PATJ: variants seen among roughly 807,000 people sequenced by gnomAD.
PATJ encodes inaD-like protein.
A neutral mutation model predicts 224.9 loss-of-function variants in PATJ; 190 were observed. That is an observed-to-expected ratio of 0.84 (90% CI 0.75 to 0.95). The LOEUF (loss-of-function observed/expected upper bound fraction) is 0.95, where lower values mean the gene tolerates loss of function less well. Among genes scored for constraint, PATJ ranks in the 40% least tolerant of loss-of-function variants. The pLI, the probability that PATJ is intolerant of heterozygous loss-of-function variation, is 0.00. For synonymous variants in PATJ, 769 were observed against 820.3 expected, an observed-to-expected ratio of 0.94 and a Z score of 1.07; for missense variants, 2,121 against 2,270.3, an observed-to-expected ratio of 0.93 and a Z score of 1.34.
intron 41 of PATJ, among the ~76,000 whole-genome samples, chr1:62,129,667 G>T (rs958973100): frequency 1.3e-5 from 2 of 152,206 alleles, no homozygotes; most frequent in African/African-American, 4.8e-5. Context: ...GTGGCTAGGC[G>T]CGGTGGCCCA....
Position 61,793,619 on chromosome 1 carries a change from T to C in PATJ, c.1169-1848T>C, listed in dbSNP as rs546294013. Among the ~76,000 whole-genome samples the C allele has an allele frequency of 2.6e-4, 39 of 150,082 alleles. 1 individual carries two copies. The South Asian group carries it at 8.2e-3, about 32-fold the overall frequency. On this transcript the variant is annotated intron_variant, in intron 9 of 43. Coordinates refer to ENST00000642238, the MANE Select transcript of PATJ (RefSeq NM_001350145.3). ...TTGTAGCCGCAGCTACTCGGGAGGC[T>C]GAGGTGGGATCGCTTGAACTGGGGA... is the stretch of plus-strand genomic sequence containing the variant.
chr1:61,914,558 T>TC (rs745329657), intron 25 of PATJ, 29 bp from the exon 26 acceptor site: 4 of 1,101,994 alleles, frequency 3.6e-6, no homozygotes, highest in Admixed American at 2.2e-5. Flanking sequence ...AACGTTTTCT[T>TC]CCCCCCACCC....
chr1:62,080,180 G>A (rs543984466), intron 32 of PATJ, among the ~76,000 whole-genome samples: 35 of 152,214 alleles, frequency 2.3e-4, no homozygotes, highest in Admixed American at 1.4e-3. Flanking sequence ...TTTTAGCCCT[G>A]CAAATGTTGC....
intron 7 of PATJ, among the ~76,000 whole-genome samples, chr1:61,778,628 A>G (rs970751924): frequency 6.6e-6 from 1 of 152,204 alleles, no homozygotes; most frequent in African/African-American, 2.4e-5. Flanking sequence ...GCAGAAGCAG[A>G]TGAGTCCAGC....
intron 36 of PATJ, 75 bp downstream of exon 36, chr1:62,116,754 T>A (rs529446570): frequency 1.4e-6 from 2 of 1,412,204 alleles, no homozygotes; most frequent in South Asian, 2.8e-5. Context: ...CTAGCTTGAT[T>A]ATAAAATGGG....
chr1:62,137,057 T>G (rs1666984466), intron 41 of PATJ, among the ~76,000 whole-genome samples: 1 of 152,118 alleles, frequency 6.6e-6, no homozygotes, highest in Non-Finnish European at 1.5e-5. Flanking sequence ...TACCTAAACC[T>G]GTTTTTAAAG....
intron 17 of PATJ, among the ~76,000 whole-genome samples, chr1:61,851,905 A>G (rs778142228): frequency 6.5e-4 from 99 of 152,030 alleles, no homozygotes; most frequent in Non-Finnish European, 1.3e-3. Context: ...ATGCTTGAGT[A>G]TATGCTGATG....
At chr1:61,778,163 A>G (rs1455746249) in intron 7 of PATJ, among the ~76,000 whole-genome samples, 6 of 152,092 alleles carry the variant, frequency 3.9e-5, no homozygotes, top group Non-Finnish European at 2.9e-5. Flanking sequence ...TACAGGTGTG[A>G]GCCATTGCAC....
intron 38 of PATJ, among the ~76,000 whole-genome samples, chr1:62,121,762 A>C (rs1471286588): frequency 1.5e-5 from 2 of 137,036 alleles, no homozygotes; most frequent in East Asian, 4.5e-4. Flanking sequence ...TGACAGAGCA[A>C]GACTCCGTCT....
intron 40 of PATJ, 118 bp downstream of exon 40, chr1:62,128,212 A>T: frequency 9.2e-7 from 1 of 1,090,534 alleles, no homozygotes; most frequent in Non-Finnish European, 1.3e-6. Flanking sequence ...ACCCAGGCTG[A>T]GGGCAAGATG....
At chr1:61,881,210 T>G (rs527845360) in intron 21 of PATJ, among the ~76,000 whole-genome samples, 1 of 152,260 alleles carries the variant, frequency 6.6e-6, no homozygotes, top group Admixed American at 6.5e-5. Context: ...AGCATCATGT[T>G]TGCAAGAGTT....
intron 33 of PATJ, among the ~76,000 whole-genome samples, chr1:62,093,166 A>G (rs920959228): frequency 2.6e-5 from 4 of 152,184 alleles, no homozygotes; most frequent in African/African-American, 9.7e-5. Flanking sequence ...TACGTTAGCA[A>G]GAAATATCAT....
At chr1:61,931,028 A>T (rs1262795768) in intron 27 of PATJ, among the ~76,000 whole-genome samples, 1 of 151,904 alleles carries the variant, frequency 6.6e-6, no homozygotes, top group South Asian at 2.1e-4. Flanking sequence ...TTTTGTACAG[A>T]TGGAATCTTG....
chr1:61,748,055 A>G (rs11207826), intron 1 of PATJ, among the ~76,000 whole-genome samples: 70,705 of 151,542 alleles, frequency 0.47, 17,144 homozygotes, highest in South Asian at 0.59. Context: ...TAATTTTTGC[A>G]TTTTTAGTAG....
intron 26 of PATJ, among the ~76,000 whole-genome samples, chr1:61,923,003 T>C (rs1487801667): frequency 6.6e-6 from 1 of 152,224 alleles, no homozygotes; most frequent in African/African-American, 2.4e-5. Context: ...AAGAAAAAAG[T>C]AAATGTGTGA....
rs200458206 is a variant in PATJ at position 61,833,710 on chromosome 1, G to A, written c.2037G>A (p.Leu679=). 1.2e-6 allele frequency: 2 copies of A among 1,613,382 alleles called. No individual in the cohort carries two copies. Among genetic ancestry groups the A allele is most frequent in the Admixed American group, 1.7e-5 (1 of 60,012 alleles). Residue 679 remains leucine (L), a synonymous_variant, in exon 17 of 44, where the codon CTG becomes CTA. Coordinates refer to ENST00000642238, the MANE Select transcript of PATJ (RefSeq NM_001350145.3). The stretch of plus-strand genomic sequence containing the variant: ...AAGATGATGATGGGGAATTAGCACT[G>A]TGGTCCCCTGAAGTCAAGATTGTTG... ...TEEDDDGELA[L]WSPEVKIVEL...
chr1:61,849,854 G>A (rs529476045), intron 17 of PATJ, among the ~76,000 whole-genome samples: 1 of 152,280 alleles, frequency 6.6e-6, no homozygotes, highest in East Asian at 1.9e-4. Context: ...CATTTTGAAT[G>A]TAGTTAAGTC....
intron 27 of PATJ, among the ~76,000 whole-genome samples, chr1:61,976,866 T>C (rs903445310): frequency 1.3e-5 from 2 of 152,094 alleles, no homozygotes; most frequent in Non-Finnish European, 2.9e-5. Flanking sequence ...TTTTCTTTAC[T>C]GAAATATTTT....
chr1:61,966,178 G>A lies in PATJ; in HGVS notation c.3671-23990G>A, dbSNP rs147765603. Among the ~76,000 whole-genome samples the A allele has an allele frequency of 2.9e-3, 442 of 152,290 alleles. 2 individuals carry two copies. The highest frequency in any genetic ancestry group is 0.01 in the African/African-American group (418 of 41,580). ...GCCTCCCAAAGTGCTGGGATTACAG[G>A]CGTGAGCCACCGCACCTGGTCTATT... On this transcript the variant is annotated intron_variant, in intron 27 of 43. Coordinates refer to ENST00000642238, the MANE Select transcript of PATJ (RefSeq NM_001350145.3).
Sources: gnomAD v4.1 joint callset for allele counts (sites outside exome capture counted in the v4.1 genomes callset) on GRCh38, gnomAD v4.1.1 for gene constraint, MANE v1.5 for transcripts, NCBI Gene and HGNC (gene_info 2026-07-23, HGNC 2026-07-21) for gene names.